Variants in RAB3IP observed in about 807,000 individuals in gnomAD.
RAB3IP encodes the protein RAB3A interacting protein, also known as rab-3A-interacting protein.
In RAB3IP, 36 loss-of-function variants were observed where a neutral mutation model predicts 59.1. The ratio of observed to expected loss-of-function variants is 0.61; its 90% CI spans 0.47 to 0.80. The LOEUF (loss-of-function observed/expected upper bound fraction) is 0.80, where lower values mean the gene tolerates loss of function less well. RAB3IP is among the 30% of genes least tolerant of loss of function. The probability of loss-of-function intolerance (pLI) is 0.00; values close to 1 mark genes in which losing one functional copy is unlikely to be tolerated. For missense variants in RAB3IP, 511 were observed against 536.0 expected (o/e 0.95, Z 0.46); for synonymous variants, 207 against 191.2 (o/e 1.08, Z -0.68).
intron 8 of RAB3IP, among the ~76,000 whole-genome samples, chr12:69,806,379 TTCTC>T (rs1879270322): frequency 6.6e-6 from 1 of 152,124 alleles, no homozygotes; most frequent in South Asian, 2.1e-4. Flanking sequence ...TATTTGATTC[TTCTC>T]TCTTTTCTTC....
intron 4 of RAB3IP, among the ~76,000 whole-genome samples, chr12:69,791,501 G>C (rs2136222064): frequency 6.6e-6 from 1 of 152,196 alleles, no homozygotes; most frequent in South Asian, 2.1e-4. Flanking sequence ...TGAAAGATGG[G>C]CTAGGGGCCT....
chr12:69,739,218 T>A (rs1887003508), intron 1 of RAB3IP, 187 bp downstream of exon 1: 1 of 152,024 alleles, frequency 6.6e-6, no homozygotes, highest in Non-Finnish European at 1.5e-5. Flanking sequence ...GCTCTCCGCC[T>A]GGGCACTTGG....
intron 3 of RAB3IP, among the ~76,000 whole-genome samples, chr12:69,766,388 A>G (rs751459346): frequency 2.0e-5 from 3 of 151,964 alleles, no homozygotes; most frequent in Non-Finnish European, 2.9e-5. Flanking sequence ...GACCAGGTTA[A>G]TTCCAAAGAC....
chr12:69,781,310 TC>T (rs1235689359), intron 3 of RAB3IP, among the ~76,000 whole-genome samples: 1 of 151,858 alleles, frequency 6.6e-6, no homozygotes, highest in South Asian at 2.1e-4. Flanking sequence ...ACGCACAGCA[TC>T]CCCCCCGTTA....
chr12:69,768,654 A>C (rs938756167), intron 3 of RAB3IP, among the ~76,000 whole-genome samples: 6 of 152,202 alleles, frequency 3.9e-5, no homozygotes, highest in African/African-American at 1.4e-4. Context: ...TCATGTTGCC[A>C]AACTGGCCCT....
rs1881434632 is a variant in RAB3IP, at chr12:69,819,098, C to T, written c.*3652C>T. The T allele has an allele frequency of 6.6e-6, 1 of 152,060 alleles. No homozygotes were observed. Among genetic ancestry groups the T allele is most frequent in the Non-Finnish European group, 1.5e-5 (1 of 68,000 alleles). 9.4% of individuals were successfully genotyped at this position (152,060 alleles called of 1,614,324 possible). ...GCCCCCCTTTAAAAAAATTCAAAAA[C>T]AAAATAAATGCATGGACAAATGAAT... is the stretch of plus-strand genomic sequence containing the variant. On this transcript the variant is annotated 3_prime_UTR_variant, in exon 11 of 11. Coordinates refer to ENST00000247833, the MANE Select transcript of RAB3IP (RefSeq NM_022456.5).
chr12:69,784,832 C>G lies in RAB3IP; in HGVS notation c.606+17C>G. 1 of 1,432,266 alleles carries G rather than the reference C, an allele frequency of 7.0e-7. No individual in the cohort carries two copies. The highest frequency in any genetic ancestry group is 9.8e-7 in the Non-Finnish European group (1 of 1,023,548). The allele number at this position is 1,432,266 out of a possible 1,614,324, so 88.7% of individuals were successfully genotyped here. On this transcript the variant is annotated intron_variant, in intron 4 of 10. Coordinates refer to ENST00000247833, the MANE Select transcript of RAB3IP (RefSeq NM_022456.5). ...CTATTTGAGGTTGGTCTATTTACAT[C>G]TTGGCCAACAGCAACATCTTGACTT...
At chr12:69,743,002 G>A (rs1208617169) in intron 1 of RAB3IP, among the ~76,000 whole-genome samples, 2 of 152,174 alleles carry the variant, frequency 1.3e-5, no homozygotes, top group African/African-American at 2.4e-5. Context: ...GATGCTTGTC[G>A]TTAACAGTAG....
chr12:69,792,730 C>T (rs1382286762), intron 4 of RAB3IP, among the ~76,000 whole-genome samples: 3 of 152,126 alleles, frequency 2.0e-5, no homozygotes, highest in Non-Finnish European at 4.4e-5. Flanking sequence ...GTATGTTATA[C>T]CTTTTCACTG....
intron 3 of RAB3IP, among the ~76,000 whole-genome samples, chr12:69,762,129 C>T (rs1467964760): frequency 6.6e-6 from 1 of 152,152 alleles, no homozygotes; most frequent in Non-Finnish European, 1.5e-5. Context: ...CAACCACTTC[C>T]CAGCAACAAA....
intron 1 of RAB3IP, among the ~76,000 whole-genome samples, chr12:69,743,999 T>G (rs1346118290): frequency 6.6e-6 from 1 of 152,136 alleles, no homozygotes; most frequent in African/African-American, 2.4e-5. Flanking sequence ...TTTTAAAAAA[T>G]TATACTTTTA....
chr12:69,771,838 A>T (rs1032489631), intron 3 of RAB3IP, among the ~76,000 whole-genome samples: 1 of 152,172 alleles, frequency 6.6e-6, no homozygotes, highest in Admixed American at 6.5e-5. Context: ...TAGCCATTCT[A>T]AGTGGGTTGA....
intron 8 of RAB3IP, among the ~76,000 whole-genome samples, chr12:69,804,137 T>C (rs1225261627): frequency 3.3e-5 from 5 of 152,194 alleles, no homozygotes; most frequent in Non-Finnish European, 5.9e-5. Flanking sequence ...TGTTCCTATT[T>C]CTCTACATCC....
At chr12:69,799,760 A>G (rs1309919240) in intron 6 of RAB3IP, among the ~76,000 whole-genome samples, 3 of 152,180 alleles carry the variant, frequency 2.0e-5, no homozygotes, top group Non-Finnish European at 2.9e-5. Flanking sequence ...TTCAGACACT[A>G]TAATTAATTA....
chr12:69,804,165 T>A (rs1350176760), intron 8 of RAB3IP, among the ~76,000 whole-genome samples: 4 of 152,190 alleles, frequency 2.6e-5, no homozygotes, highest in Non-Finnish European at 5.9e-5. Context: ...CACCTGTTGT[T>A]TCCTGACTGT....
At chr12:69,754,575 G>A (rs1869887487) in intron 1 of RAB3IP, among the ~76,000 whole-genome samples, 2 of 152,192 alleles carry the variant, frequency 1.3e-5, no homozygotes, top group African/African-American at 2.4e-5. Flanking sequence ...GGTACAGCAG[G>A]ATGACTGTAG....
At chr12:69,805,105 A>G (rs528923809) in intron 8 of RAB3IP, among the ~76,000 whole-genome samples, 19 of 152,288 alleles carry the variant, frequency 1.2e-4, no homozygotes, top group African/African-American at 4.1e-4. Flanking sequence ...CATTTTCACA[A>G]TATTGAGTCT....
intron 3 of RAB3IP, among the ~76,000 whole-genome samples, chr12:69,765,634 G>C (rs1348334425): frequency 6.6e-6 from 1 of 152,192 alleles, no homozygotes; most frequent in South Asian, 2.1e-4. Context: ...GCATGGAGCA[G>C]AGAGGACCCG....
chr12:69,768,826 ATC>A (rs1027726690), intron 3 of RAB3IP, among the ~76,000 whole-genome samples: 1 of 152,066 alleles, frequency 6.6e-6, no homozygotes, highest in African/African-American at 2.4e-5. Flanking sequence ...AGGTGCTCCA[ATC>A]TCTGTCCTAA....
Sources: gnomAD v4.1 joint callset for allele counts (sites outside exome capture counted in the v4.1 genomes callset) on GRCh38, gnomAD v4.1.1 for gene constraint, MANE v1.5 for transcripts, NCBI Gene and HGNC (gene_info 2026-07-23, HGNC 2026-07-21) for gene names.